The following MED13L variants were observed in gnomAD, a reference collection of about 807,000 sequenced individuals.
The protein encoded by MED13L is mediator complex subunit 13L.
A neutral mutation model predicts 220.9 loss-of-function variants in MED13L; 7 were observed. The observed-to-expected ratio is 0.03, with a 90% CI of 0.02 to 0.06. The LOEUF (loss-of-function observed/expected upper bound fraction) is 0.06. MED13L is among the 10% of genes least tolerant of loss of function. The probability of loss-of-function intolerance (pLI) is 1.00; values close to 1 mark genes in which losing one functional copy is unlikely to be tolerated. For missense variants in MED13L, 1,965 were observed against 2,760.5 expected (o/e 0.71, Z 6.46); for synonymous variants, 1,011 against 1,015.2 (o/e 1.00, Z 0.08).
At chr12:116,138,376 G>A (rs1243907724) in intron 2 of MED13L, among the ~76,000 whole-genome samples, 1 of 152,190 alleles carries the variant, frequency 6.6e-6, no homozygotes, top group Non-Finnish European at 1.5e-5. Context: ...TACAGGACAG[G>A]GAAGGGTGGT....
chr12:115,990,497 A>G (rs895352014), intron 17 of MED13L, among the ~76,000 whole-genome samples: 1 of 152,236 alleles, frequency 6.6e-6, no homozygotes, highest in African/African-American at 2.4e-5. Flanking sequence ...TTACAGCCCA[A>G]CTTCACTGGA....
At chr12:116,235,511 C>A (rs1321441072) in intron 2 of MED13L, among the ~76,000 whole-genome samples, 1 of 152,010 alleles carries the variant, frequency 6.6e-6, no homozygotes, top group African/African-American at 2.4e-5. Context: ...TTTCTTTGTT[C>A]TCTCCATATG....
intron 2 of MED13L, among the ~76,000 whole-genome samples, chr12:116,146,103 G>A (rs553232995): frequency 1.2e-4 from 19 of 152,170 alleles, no homozygotes; most frequent in Admixed American, 1.3e-4. Flanking sequence ...AAAACATTAT[G>A]AGCTATTTTG....
chr12:116,258,279 T>C lies in MED13L; in HGVS notation c.72+18781A>G, dbSNP rs2138545646. On this transcript the variant is annotated intron_variant, in intron 1 of 30. Coordinates refer to ENST00000281928, the MANE Select transcript of MED13L (RefSeq NM_015335.5). ...GCTACTTAAATTTCTTGTTTCAGTT[T>C]TCTTATCTGAAAAATGAGAATAGTA... Among the ~76,000 whole-genome samples the C allele has an allele frequency of 2.6e-5, 4 of 152,292 alleles. No individual in the cohort carries two copies. The Middle Eastern group carries it at 0.01, about 389-fold the overall frequency.
intron 3 of MED13L, among the ~76,000 whole-genome samples, chr12:116,106,852 A>G (rs1873623983): frequency 6.6e-6 from 1 of 150,444 alleles, no homozygotes; most frequent in African/African-American, 2.5e-5. Flanking sequence ...TCTCAAAAAA[A>G]AAAGGGAAAA....
rs563211956 is a variant in MED13L, at chr12:116,216,722, G to C, written c.310+20746C>G. On this transcript the variant is annotated intron_variant, in intron 2 of 30. Transcript: ENST00000281928. ...TGCAGGAAATTAAATCCACTTTCTC[G>C]TGTACCATATTCACAAACATTCTAT... Among the ~76,000 whole-genome samples, 17 of 152,236 alleles carry C rather than the reference G, an allele frequency of 1.1e-4. No individual in the cohort carries two copies. The South Asian group carries it at 3.5e-3, about 32-fold the overall frequency.
intron 3 of MED13L, among the ~76,000 whole-genome samples, chr12:116,104,546 T>C (rs1303273908): frequency 6.6e-6 from 1 of 152,190 alleles, no homozygotes; most frequent in Non-Finnish European, 1.5e-5. Flanking sequence ...TAAACTACCA[T>C]GGGGTAAATA....
At chr12:116,007,306 G>T in intron 11 of MED13L, 105 bp downstream of exon 11, 5 of 1,020,750 alleles carry the variant, frequency 4.9e-6, no homozygotes, top group Non-Finnish European at 7.7e-6. Context: ...GAGCAATCAG[G>T]CAAGACTATC....
intron 2 of MED13L, among the ~76,000 whole-genome samples, chr12:116,120,661 T>G (rs2137952885): frequency 6.6e-6 from 1 of 151,966 alleles, no homozygotes. Context: ...GAAAGTCCTA[T>G]CTTTATGAAA....
intron 4 of MED13L, among the ~76,000 whole-genome samples, chr12:116,094,863 C>A (rs984728038): frequency 2.0e-5 from 3 of 152,116 alleles, no homozygotes; most frequent in Non-Finnish European, 2.9e-5. Context: ...AAGGAGAATG[C>A]TAAGATTAAA....
At chr12:116,035,240 G>A (rs1338477285) in intron 4 of MED13L, among the ~76,000 whole-genome samples, 2 of 152,104 alleles carry the variant, frequency 1.3e-5, no homozygotes, top group African/African-American at 2.4e-5. Context: ...CACAGCAAGA[G>A]CCCAAAGACT....
chr12:116,260,366 C>G (rs748294555), intron 1 of MED13L, among the ~76,000 whole-genome samples: 2 of 152,086 alleles, frequency 1.3e-5, no homozygotes, highest in Non-Finnish European at 2.9e-5. Context: ...TCCATTTTAG[C>G]GCTTAACTGA....
intron 8 of MED13L, among the ~76,000 whole-genome samples, chr12:116,014,318 ATTCTGT>A (rs1311623692): frequency 6.6e-6 from 1 of 152,214 alleles, no homozygotes; most frequent in Non-Finnish European, 1.5e-5. Context: ...GTCCATATTC[ATTCTGT>A]TTCAGAGAAT....
At chr12:116,096,089 C>T (rs939004751) in intron 4 of MED13L, among the ~76,000 whole-genome samples, 44 of 151,976 alleles carry the variant, frequency 2.9e-4, no homozygotes, top group African/African-American at 8.9e-4. Flanking sequence ...CGCAATGGCT[C>T]GCACCTATAA....
chr12:116,012,654 CATATAAGAAAAAAACTA>C lies in MED13L; in HGVS notation c.1280+126_1280+142del. The C allele has an allele frequency of 7.0e-6, 5 of 716,042 alleles. No individual in the cohort carries two copies. In the Middle Eastern group the frequency reaches 9.7e-4, roughly 138 times the overall value. The allele number at this position is 716,042 out of a possible 1,614,324, so 44.4% of individuals were successfully genotyped here. Reference sequence around the variant, plus strand: ...CCTGACAATAAAACTGTATCATCTGCATATAAGAAAAAAACTAATCTTTTTCTTCTCTACTGGAGGAG... The same window carrying C: ...CCTGACAATAAAACTGTATCATCTGCATCTTTTTCTTCTCTACTGGAGGAG... On this transcript the variant is annotated intron_variant, in intron 9 of 30. Transcript: ENST00000281928.
intron 17 of MED13L, among the ~76,000 whole-genome samples, chr12:115,988,150 T>C (rs1458696093): frequency 1.3e-5 from 2 of 152,202 alleles, no homozygotes; most frequent in Admixed American, 1.3e-4. Context: ...GGAAGGGGCA[T>C]GGAAAGAAAT....
chr12:116,108,059 C>T (rs1246264507), intron 3 of MED13L, among the ~76,000 whole-genome samples: 1 of 151,576 alleles, frequency 6.6e-6, no homozygotes, highest in Non-Finnish European at 1.5e-5. Context: ...CACTGCACTC[C>T]AGCCTGGGCA....
chr12:116,275,046 T>C (rs1463968104), intron 1 of MED13L, among the ~76,000 whole-genome samples: 3 of 151,078 alleles, frequency 2.0e-5, no homozygotes, highest in East Asian at 1.9e-4. Flanking sequence ...TGGCTATACA[T>C]ATACTTTCAT....
At chr12:116,101,901 T>TTC (rs1242300964) in intron 3 of MED13L, among the ~76,000 whole-genome samples, 1 of 152,184 alleles carries the variant, frequency 6.6e-6, no homozygotes, top group Non-Finnish European at 1.5e-5. Flanking sequence ...TTAACCTTGG[T>TTC]TCTCTACTCA....
Sources: gnomAD v4.1 joint callset for allele counts (sites outside exome capture counted in the v4.1 genomes callset) on GRCh38, gnomAD v4.1.1 for gene constraint, MANE v1.5 for transcripts, NCBI Gene and HGNC (gene_info 2026-07-23, HGNC 2026-07-21) for gene names.